EBF4: variants seen among roughly 807,000 people sequenced by gnomAD.
EBF4 encodes transcription factor COE4.
A neutral mutation model predicts 67.1 loss-of-function variants in EBF4; 34 were observed. The ratio of observed to expected loss-of-function variants is 0.51; its 90% CI spans 0.39 to 0.67. The LOEUF (loss-of-function observed/expected upper bound fraction) is 0.67, where lower values mean the gene tolerates loss of function less well. Among genes scored for constraint, EBF4 ranks in the 30% least tolerant of loss-of-function variants. EBF4 has a pLI of 0.00. For missense variants in EBF4, 837 were observed against 873.3 expected (o/e 0.96, Z 0.52); for synonymous variants, 387 against 377.7 (o/e 1.02, Z -0.29).
chr20:2,755,610 C>T lies in EBF4; in HGVS notation c.1541-17C>T, dbSNP rs1360445415. ...ACCTTCCCTGCTGCGCCTGCCCCTC[C>T]CCGCCCCGCCCCGGAGTCATGCCCT... On this transcript the variant is annotated splice_polypyrimidine_tract_variant and intron_variant, in intron 14 of 16. Coordinates refer to ENST00000609451, the Ensembl canonical transcript of EBF4. This position sits in a 1 kb window ranked among gnomAD's most constrained non-coding sequence, Gnocchi z 4.7. 8.1e-7 allele frequency: 1 copy of T among 1,233,546 alleles called. No individual in the cohort carries two copies. The highest frequency in any genetic ancestry group is 1.2e-6 in the Non-Finnish European group (1 of 863,850). The allele number at this position is 1,233,546 out of a possible 1,614,324, so 76.4% of individuals were successfully genotyped here.
At chr20:2,748,505 C>T (rs982366680) in intron 6 of EBF4, 44 bp from the exon 7 acceptor site, 38 of 1,530,278 alleles carry the variant, frequency 2.5e-5, no homozygotes, top group Admixed American at 1.4e-4. Context: ...TCATCTGTTT[C>T]CAGAACCCCC....
At chr20:2,752,300 C>A in intron 13 of EBF4, 37 bp downstream of exon 13, 1 of 1,206,394 alleles carries the variant, frequency 8.3e-7, no homozygotes, top group Non-Finnish European at 1.0e-6. Context: ...CCTCGGGCGC[C>A]GCCACCGCCC....
intron 10 of EBF4, 58 bp downstream of exon 10, chr20:2,750,031 C>T (rs928006265): frequency 1.3e-6 from 2 of 1,494,882 alleles, no homozygotes; most frequent in Non-Finnish European, 1.8e-6. Context: ...CCCCACCCTG[C>T]GCACTGGTCT....
intron 16 of EBF4, 139 bp downstream of exon 16, chr20:2,759,123 T>A: frequency 1.2e-6 from 1 of 824,276 alleles, no homozygotes; most frequent in Non-Finnish European, 1.9e-6. Flanking sequence ...CAAGTCTTCC[T>A]CCCCGGGGCC....
intron 4 of EBF4, among the ~76,000 whole-genome samples, chr20:2,706,603 C>T (rs1019730968): frequency 1.3e-5 from 2 of 152,136 alleles, no homozygotes; most frequent in Non-Finnish European, 2.9e-5. Context: ...GAAAACTGCA[C>T]AGGGAGCTCT....
chr20:2,753,292 CT>C (rs2088186675), intron 14 of EBF4, among the ~76,000 whole-genome samples: 2 of 152,310 alleles, frequency 1.3e-5, no homozygotes, highest in East Asian at 3.9e-4. Flanking sequence ...TCCCATCTGG[CT>C]TCTTAGAGTG....
At position 2,696,032 on chromosome 20, in the gene EBF4, C is replaced by G. The variant is rs972960472; in HGVS notation, c.137+2250C>G. The stretch of plus-strand genomic sequence containing the variant: ...GCTTCCTCCCTGGCTTGAAGGTTAA[C>G]TGCACCCTGGTTACCACCTCAGCCT... On this transcript the variant is annotated intron_variant, in intron 1 of 16. Coordinates refer to ENST00000609451, the Ensembl canonical transcript of EBF4. This position sits in a 1 kb window ranked among gnomAD's most constrained non-coding sequence, Gnocchi z 4.7. Among the ~76,000 whole-genome samples the G allele has an allele frequency of 2.6e-5, 4 of 152,226 alleles. No homozygotes were observed. Among genetic ancestry groups the G allele is most frequent in the African/African-American group, 7.2e-5 (3 of 41,462 alleles).
intron 6 of EBF4, among the ~76,000 whole-genome samples, chr20:2,736,907 C>CGAA (rs1555788168): frequency 6.6e-6 from 1 of 152,162 alleles, no homozygotes; most frequent in Non-Finnish European, 1.5e-5. Flanking sequence ...CCAGACTGGC[C>CGAA]TCCATGCTGA....
chr20:2,744,487 C>CTTTTTTTTT lies in EBF4; in HGVS notation c.558-4058_558-4057insTTTTTTTTT, dbSNP rs778840182. On this transcript the variant is annotated intron_variant, in intron 6 of 16. Transcript: ENST00000609451. ...TTTTTCTTTTCTTTTTTCTTTTTTTCTTTTCTTTTTTTTTTTTTTTTTGAG... is the reference window on the plus strand; with the variant it reads ...TTTTTCTTTTCTTTTTTCTTTTTTTCTTTTTTTTTTTTTCTTTTTTTTTTTTTTTTTGAG... 1.4e-3 allele frequency among the ~76,000 whole-genome samples: 159 copies of CTTTTTTTTT among 111,432 alleles called. 4 individuals carry two copies. The highest frequency in any genetic ancestry group is 5.0e-3 in the Middle Eastern group (1 of 200). The allele number at this position is 111,432 out of a possible 152,430, so 73.1% of individuals were successfully genotyped here. A position where few individuals can be genotyped will look rare whatever the true frequency, so the allele number is the denominator to read the frequency against.
At chr20:2,721,083 A>G (rs2146422550) in intron 6 of EBF4, among the ~76,000 whole-genome samples, 1 of 152,214 alleles carries the variant, frequency 6.6e-6, no homozygotes, top group East Asian at 1.9e-4. Context: ...TGCTTAGGGT[A>G]CATTGATCTT....
intron 6 of EBF4, among the ~76,000 whole-genome samples, chr20:2,719,950 T>C (rs2087658568): frequency 6.6e-6 from 1 of 152,206 alleles, no homozygotes; most frequent in East Asian, 1.9e-4. Context: ...CTGATTTTCT[T>C]CCTATTTATT....
At position 2,751,415 on chromosome 20, in the gene EBF4, A is replaced by G. The variant is rs1030387142; in HGVS notation, c.1019-285A>G. ...TGTGTATACGGTTTCCCTTTTTTCT[A>G]ATCACAAATGGGTGCATGTGTGTTC... On this transcript the variant is annotated intron_variant, in intron 10 of 16. Coordinates refer to ENST00000609451, the Ensembl canonical transcript of EBF4. The surrounding 1 kb of genome is among the most constrained non-coding windows in gnomAD (Gnocchi z 5.2). 1.3e-5 allele frequency among the ~76,000 whole-genome samples: 2 copies of G among 152,154 alleles called. No individual in the cohort carries two copies. The highest frequency in any genetic ancestry group is 2.9e-5 in the Non-Finnish European group (2 of 68,012).
At position 2,755,602 on chromosome 20, in the gene EBF4, TGCCCCTCCCCGCCCC is replaced by T; in HGVS notation, c.1541-19_1541-5del. On this transcript the variant is annotated splice_polypyrimidine_tract_variant and intron_variant, in intron 14 of 16. Transcript: ENST00000609451. The surrounding 1 kb of genome is among the most constrained non-coding windows in gnomAD (Gnocchi z 4.7). The stretch of plus-strand genomic sequence containing the variant: ...CTCCCACCACCTTCCCTGCTGCGCC[TGCCCCTCCCCGCCCC>T]GCCCCGGAGTCATGCCCTCTAGCCC... 8.9e-7 allele frequency: 1 copy of T among 1,117,784 alleles called. No individual in the cohort carries two copies. Among genetic ancestry groups the T allele is most frequent in the Non-Finnish European group, 1.3e-6 (1 of 756,302 alleles). 69.2% of individuals were successfully genotyped at this position (1,117,784 alleles called of 1,614,324 possible). A position where few individuals can be genotyped will look rare whatever the true frequency, so the allele number is the denominator to read the frequency against.
intron 6 of EBF4, among the ~76,000 whole-genome samples, chr20:2,712,013 C>T (rs1444279122): frequency 6.6e-6 from 1 of 152,002 alleles, no homozygotes; most frequent in Admixed American, 6.6e-5. Flanking sequence ...AACAAGGAGG[C>T]CCAGGTGGCT....
chr20:2,742,305 G>A (rs2087980000), intron 6 of EBF4, among the ~76,000 whole-genome samples: 1 of 152,238 alleles, frequency 6.6e-6, no homozygotes, highest in Non-Finnish European at 1.5e-5. Flanking sequence ...GATTGAGCAA[G>A]ATAATGCCAA....
rs2087247122 is a variant in EBF4, at chr20:2,693,787, G to A, written c.137+5G>A. The stretch of plus-strand genomic sequence containing the variant: ...CGCCAGCACCGCGGCGCAGAGGTAA[G>A]CGCTCGGACCGGACCCGGTGCGCTC... On this transcript the variant is annotated splice_donor_5th_base_variant and intron_variant, in intron 1 of 16. Transcript: ENST00000609451. The surrounding 1 kb of genome is among the most constrained non-coding windows in gnomAD (Gnocchi z 4.6). 3 of 1,310,222 alleles carry A rather than the reference G, an allele frequency of 2.3e-6. No homozygotes were observed. Among genetic ancestry groups the A allele is most frequent in the Non-Finnish European group, 2.9e-6 (3 of 1,029,770 alleles). 81.2% of individuals were successfully genotyped at this position (1,310,222 alleles called of 1,614,324 possible). A position where few individuals can be genotyped will look rare whatever the true frequency, so the allele number is the denominator to read the frequency against.
At chr20:2,700,663 G>T (rs1009684374) in intron 1 of EBF4, among the ~76,000 whole-genome samples, 1 of 152,072 alleles carries the variant, frequency 6.6e-6, no homozygotes. Flanking sequence ...CTCTATCCCT[G>T]TTTCTTTTTT....
intron 1 of EBF4, among the ~76,000 whole-genome samples, chr20:2,703,854 C>G (rs535869658): frequency 7.9e-5 from 12 of 152,274 alleles, no homozygotes; most frequent in African/African-American, 2.9e-4. Flanking sequence ...GAGGCTGCAG[C>G]AAGATGAGAG....
intron 1 of EBF4, among the ~76,000 whole-genome samples, chr20:2,705,103 A>G (rs1313034621): frequency 3.9e-5 from 6 of 152,352 alleles, no homozygotes; most frequent in Admixed American, 3.9e-4. Flanking sequence ...GGACATCGCC[A>G]TTCCCCAGGC....
Sources: allele counts gnomAD v4.1 joint callset (sites outside exome capture counted in the v4.1 genomes callset), GRCh38; gene constraint gnomAD v4.1.1; non-coding constraint Gnocchi (gnomAD v3.1); transcripts MANE v1.5; gene names NCBI Gene and HGNC (gene_info 2026-07-23, HGNC 2026-07-21).